Variants in AIG1 observed in about 807,000 individuals in gnomAD.
AIG1 encodes androgen-induced gene 1 protein.
Under a neutral mutation model 31.4 loss-of-function variants are expected in AIG1, and 23 were observed. The observed-to-expected ratio is 0.73, with a 90% CI of 0.53 to 1.04. The LOEUF is 1.04. Ranked by LOEUF, AIG1 falls within the 50% of genes least tolerant of loss-of-function variation. AIG1 has a pLI of 0.00. For missense variants in AIG1, 274 were observed against 295.0 expected (o/e 0.93, Z 0.52); for synonymous variants, 100 against 110.5 (o/e 0.90, Z 0.60).
intron 1 of AIG1, among the ~76,000 whole-genome samples, chr6:143,094,659 G>A (rs1779594370): frequency 6.6e-6 from 1 of 151,926 alleles, no homozygotes; most frequent in East Asian, 1.9e-4. Flanking sequence ...AAGTAAAAAA[G>A]TGACCCCTAG....
At chr6:143,108,562 G>C (rs1201600790) in intron 1 of AIG1, among the ~76,000 whole-genome samples, 1 of 152,222 alleles carries the variant, frequency 6.6e-6, no homozygotes, top group Non-Finnish European at 1.5e-5. Context: ...ATGGGGCCCA[G>C]AATCTGGCTC....
At position 143,330,605 on chromosome 6, in the gene AIG1, C is replaced by T. The variant is rs1776999737; in HGVS notation, c.516-2677C>T. 1.3e-5 allele frequency among the ~76,000 whole-genome samples: 2 copies of T among 152,048 alleles called. No individual in the cohort carries two copies. The highest frequency in any genetic ancestry group is 4.8e-5 in the African/African-American group (2 of 41,396). On this transcript the variant is annotated intron_variant, in intron 4 of 5. Transcript: ENST00000357847. The surrounding 1 kb of genome is among the most constrained non-coding windows in gnomAD (Gnocchi z 4.4). ...AACCATCTAGGGACTCTGGCTTGTA[C>T]TCTGAGTGGGAGAGGAAGCAAGTTT...
chr6:143,184,845 T>G (rs193183323), intron 3 of AIG1, among the ~76,000 whole-genome samples: 9 of 152,118 alleles, frequency 5.9e-5, no homozygotes, highest in African/African-American at 2.2e-4. Flanking sequence ...CCGGGTCTTG[T>G]GGAAAGATGG....
intron 1 of AIG1, among the ~76,000 whole-genome samples, chr6:143,076,758 C>T (rs979566990): frequency 7.3e-5 from 11 of 151,426 alleles, no homozygotes; most frequent in Admixed American, 1.3e-4. Flanking sequence ...CTGCAAGCTC[C>T]GCTTCCTGGT....
chr6:143,122,576 A>G (rs1782330854), intron 1 of AIG1, among the ~76,000 whole-genome samples: 1 of 152,196 alleles, frequency 6.6e-6, no homozygotes, highest in Admixed American at 6.5e-5. Flanking sequence ...TAAAATCTCT[A>G]ATTTTTAGAA....
At position 143,293,079 on chromosome 6, in the gene AIG1, T is replaced by C. The variant is rs1202756782; in HGVS notation, c.515+8854T>C. Among the ~76,000 whole-genome samples the C allele has an allele frequency of 1.3e-5, 2 of 152,134 alleles. No individual in the cohort carries two copies. The highest frequency in any genetic ancestry group is 2.4e-5 in the African/African-American group (1 of 41,420). On this transcript the variant is annotated intron_variant, in intron 4 of 5. Coordinates refer to ENST00000357847, the MANE Select transcript of AIG1 (RefSeq NM_016108.4). The surrounding 1 kb of genome is among the most constrained non-coding windows in gnomAD (Gnocchi z 4.8). ...GGAAAGAATGCCTGCCTCACAGAGTTGTGAGGATTAATGAGCCCATAGGGA... is the reference window on the plus strand; with the variant it reads ...GGAAAGAATGCCTGCCTCACAGAGTCGTGAGGATTAATGAGCCCATAGGGA...
At position 143,100,115 on chromosome 6, in the gene AIG1, C is replaced by G. The variant is rs141399601; in HGVS notation, c.142-36720C>G. Among the ~76,000 whole-genome samples the G allele has an allele frequency of 5.3e-3, 801 of 152,280 alleles. 1 individual carries two copies. Among genetic ancestry groups the G allele is most frequent in the Middle Eastern group, 0.017 (5 of 294 alleles). On this transcript the variant is annotated intron_variant, in intron 1 of 5. Coordinates refer to ENST00000357847, the MANE Select transcript of AIG1 (RefSeq NM_016108.4). ...TGATTTCAGCATGTATGGATATAAC[C>G]CGTGGGTCCTGATGCCACCCACTGA...
At chr6:143,281,977 T>C (rs1797368928) in intron 3 of AIG1, among the ~76,000 whole-genome samples, 1 of 152,242 alleles carries the variant, frequency 6.6e-6, no homozygotes, top group East Asian at 1.9e-4. Flanking sequence ...CAAATTGATT[T>C]TCTTCCTGGA....
In AIG1 at chr6:143,297,026, T is replaced by C. The variant is rs1420968581; in HGVS notation, c.515+12801T>C. Among the ~76,000 whole-genome samples the C allele has an allele frequency of 6.6e-6, 1 of 152,148 alleles. No homozygotes were observed. The highest frequency in any genetic ancestry group is 1.5e-5 in the Non-Finnish European group (1 of 68,026). On this transcript the variant is annotated intron_variant, in intron 4 of 5. Coordinates refer to ENST00000357847, the MANE Select transcript of AIG1 (RefSeq NM_016108.4). This position sits in a 1 kb window ranked among gnomAD's most constrained non-coding sequence, Gnocchi z 5.1. ...GCTTCAGCTCTGTCCTCAAGGAGCT[T>C]ACAGTCTATTGAAGGATACAGGGAA...
rs1309845193 is a variant in AIG1 at position 143,327,733 on chromosome 6, A to G, written c.516-5549A>G. The G allele has an allele frequency of 1.2e-5, 2 of 165,512 alleles. No individual in the cohort carries two copies. Among genetic ancestry groups the G allele is most frequent in the African/African-American group, 4.8e-5 (2 of 41,610 alleles). 10.3% of individuals were successfully genotyped at this position (165,512 alleles called of 1,614,324 possible). ...AAAGATAATGGATTAACTAAATGTG[A>G]TGAAAGAGAGGGAAGTATCAAAGAT... On this transcript the variant is annotated intron_variant, in intron 4 of 5. Transcript: ENST00000357847. This position sits in a 1 kb window ranked among gnomAD's most constrained non-coding sequence, Gnocchi z 5.3.
Position 143,330,762 on chromosome 6 carries a change from G to T in AIG1, c.516-2520G>T, listed in dbSNP as rs1281088017. On this transcript the variant is annotated intron_variant, in intron 4 of 5. Transcript: ENST00000357847. The surrounding 1 kb of genome is among the most constrained non-coding windows in gnomAD (Gnocchi z 4.4). ...TTGCAACATCAATTACAGCTTAATG[G>T]TGTTAAATTGGGGGAATATTGCATA... Among the ~76,000 whole-genome samples the T allele has an allele frequency of 6.6e-6, 1 of 152,152 alleles. No individual in the cohort carries two copies. Among genetic ancestry groups the T allele is most frequent in the Non-Finnish European group, 1.5e-5 (1 of 68,020 alleles).
intron 2 of AIG1, among the ~76,000 whole-genome samples, chr6:143,163,392 G>A (rs750720020): frequency 9.2e-5 from 14 of 152,162 alleles, no homozygotes; most frequent in Non-Finnish European, 1.6e-4. Context: ...GCTTAAAGAC[G>A]TTCTTCTGAT....
At chr6:143,164,638 A>T (rs1320962023) in intron 2 of AIG1, among the ~76,000 whole-genome samples, 1 of 152,160 alleles carries the variant, frequency 6.6e-6, no homozygotes, top group Non-Finnish European at 1.5e-5. Context: ...GAGAATGTGA[A>T]GATTAGTTTA....
At chr6:143,095,662 C>A (rs1779697453) in intron 1 of AIG1, among the ~76,000 whole-genome samples, 1 of 151,964 alleles carries the variant, frequency 6.6e-6, no homozygotes, top group Non-Finnish European at 1.5e-5. Context: ...AGTTATCTTC[C>A]TAAGATAATT....
At position 143,340,177 on chromosome 6, in the gene AIG1, A is replaced by G. The variant is rs1433226763; in HGVS notation, c.*501A>G. 2 of 152,492 alleles carry G rather than the reference A, an allele frequency of 1.3e-5. No individual in the cohort carries two copies. Among genetic ancestry groups the G allele is most frequent in the Admixed American group, 6.5e-5 (1 of 15,308 alleles). The allele number at this position is 152,492 out of a possible 1,614,324, so 9.4% of individuals were successfully genotyped here. A position where few individuals can be genotyped will look rare whatever the true frequency, so the allele number is the denominator to read the frequency against. The stretch of plus-strand genomic sequence containing the variant: ...ATTGCATAATGTCACAGTTGCCTCA[A>G]ATGAGCACCATTTGTAATAATGATG... On this transcript the variant is annotated 3_prime_UTR_variant, in exon 6 of 6. Transcript: ENST00000357847.
In AIG1 at chr6:143,334,220, C is replaced by A; in HGVS notation, c.679+775C>A. The A allele has an allele frequency of 2.1e-6, 2 of 936,870 alleles. No individual in the cohort carries two copies. The highest frequency in any genetic ancestry group is 3.1e-6 in the Non-Finnish European group (2 of 650,612). The allele number at this position is 936,870 out of a possible 1,614,324, so 58.0% of individuals were successfully genotyped here. ...GATTGAGTCCTGCATGAAAATACAT[C>A]CAAAGGCAAGATGGTTTGGAGATTT... On this transcript the variant is annotated intron_variant, in intron 5 of 5. Transcript: ENST00000357847. This position sits in a 1 kb window ranked among gnomAD's most constrained non-coding sequence, Gnocchi z 5.1.
At chr6:143,091,011 C>G (rs1363855325) in intron 1 of AIG1, among the ~76,000 whole-genome samples, 2 of 152,188 alleles carry the variant, frequency 1.3e-5, no homozygotes, top group African/African-American at 4.8e-5. Flanking sequence ...CCTTTGTTGT[C>G]ATTTCAACAG....
intron 3 of AIG1, among the ~76,000 whole-genome samples, chr6:143,227,382 G>C (rs768934346): frequency 3.2e-4 from 48 of 151,918 alleles, no homozygotes; most frequent in Non-Finnish European, 5.3e-4. Flanking sequence ...CCCCTGCCCC[G>C]TGCCCCTCCT....
intron 3 of AIG1, among the ~76,000 whole-genome samples, chr6:143,193,232 G>A (rs111596874): frequency 5.3e-5 from 8 of 152,296 alleles, no homozygotes; most frequent in African/African-American, 1.2e-4. Flanking sequence ...ATACTGATAT[G>A]TTCCTTTCTG....
Sources: gnomAD v4.1 joint callset for allele counts (sites outside exome capture counted in the v4.1 genomes callset) on GRCh38, gnomAD v4.1.1 for gene constraint, Gnocchi (gnomAD v3.1) non-coding constraint, MANE v1.5 for transcripts, NCBI Gene and HGNC (gene_info 2026-07-23, HGNC 2026-07-21) for gene names.